GRM7: variants seen among roughly 807,000 people sequenced by gnomAD.
The protein encoded by GRM7 is metabotropic glutamate receptor 7.
A neutral mutation model predicts 84.5 loss-of-function variants in GRM7; 35 were observed. The ratio of observed to expected loss-of-function variants is 0.41; its 90% CI spans 0.32 to 0.55. The LOEUF is 0.55. GRM7 is among the 20% of genes least tolerant of loss of function. The pLI is 0.19. For missense variants in GRM7, 1,003 were observed against 1,194.6 expected (o/e 0.84, Z 2.36); for synonymous variants, 487 against 455.1 (o/e 1.07, Z -0.89).
intron 6 of GRM7, among the ~76,000 whole-genome samples, chr3:7,460,834 G>A (rs73117424): frequency 0.018 from 2,678 of 152,214 alleles, 81 homozygotes; most frequent in African/African-American, 0.061. Context: ...ATTAAGTATG[G>A]ACAGATAGAT....
intron 1 of GRM7, among the ~76,000 whole-genome samples, chr3:7,031,521 A>G (rs1486867868): frequency 6.6e-6 from 1 of 151,760 alleles, no homozygotes; most frequent in African/African-American, 2.4e-5. Flanking sequence ...GGTTCATGCC[A>G]TTCTCCTGCC....
intron 8 of GRM7, among the ~76,000 whole-genome samples, chr3:7,630,676 C>T (rs186790709): frequency 6.6e-6 from 1 of 152,254 alleles, no homozygotes; most frequent in East Asian, 1.9e-4. Flanking sequence ...ATCAGCAAAA[C>T]CAAGTCATCT....
In GRM7 at chr3:7,581,414, C is replaced by A. The variant is rs140023767; in HGVS notation, c.2451+2057C>A. Among the ~76,000 whole-genome samples the A allele has an allele frequency of 2.1e-4, 32 of 152,148 alleles. No homozygotes were observed. The East Asian group carries it at 6.2e-3, about 29-fold the overall frequency. On this transcript the variant is annotated intron_variant, in intron 8 of 9. Coordinates refer to ENST00000357716, the MANE Select transcript of GRM7 (RefSeq NM_000844.4). ...TATGAAGTTTTACGTGGTTGATTGA[C>A]ACAATTAAAGGCACAAAATTGCCAA...
chr3:7,249,620 A>G (rs1414011428), intron 2 of GRM7, among the ~76,000 whole-genome samples: 3 of 152,232 alleles, frequency 2.0e-5, no homozygotes, highest in African/African-American at 7.2e-5. Context: ...GACTAAACAA[A>G]TGACTGCATC....
At chr3:7,544,660 G>T (rs1342130340) in intron 7 of GRM7, among the ~76,000 whole-genome samples, 2 of 152,048 alleles carry the variant, frequency 1.3e-5, no homozygotes, top group African/African-American at 4.8e-5. Flanking sequence ...TGTTTTCATT[G>T]GTTACTGTAC....
intron 9 of GRM7, among the ~76,000 whole-genome samples, chr3:7,704,629 T>A (rs1163367978): frequency 6.6e-6 from 1 of 152,232 alleles, no homozygotes; most frequent in Admixed American, 6.5e-5. Context: ...ACTGTTGTCA[T>A]GCAGCTAGCC....
chr3:6,948,374 T>A (rs563886840), intron 1 of GRM7, among the ~76,000 whole-genome samples: 1 of 152,168 alleles, frequency 6.6e-6, no homozygotes, highest in South Asian at 2.1e-4. Context: ...TTTGAGTGAG[T>A]TTCTTAATCC....
chr3:7,740,362 G>A lies in GRM7; in HGVS notation c.2704G>A (p.Ala902Thr). The change falls in exon 10 of 10, where the codon GCT becomes ACT. Residue 902 changes from alanine to threonine, a missense_variant. Physicochemically the swap from Ala to Thr is moderately conservative, Grantham distance 58 (BLOSUM62 0). Around this residue, in one of 2 missense-constraint regions of GRM7, gnomAD observed 910 missense variants for 1,126.0 expected, o/e 0.81. Transcript: ENST00000357716. Reference protein sequence around the residue: ...LCENVDPNSPAAKKKYVSYNN... With the variant: ...LCENVDPNSPTAKKKYVSYNN... ...CTTTCTAATTTTTCTTTCAGGCCCTGCTGCAAAAAAGAAGTATGTCAGTTA... is the reference window on the plus strand; with the variant it reads ...CTTTCTAATTTTTCTTTCAGGCCCTACTGCAAAAAAGAAGTATGTCAGTTA... The A allele has an allele frequency of 1.3e-6, 2 of 1,584,080 alleles. No homozygotes were observed. Among genetic ancestry groups the A allele is most frequent in the Non-Finnish European group, 1.7e-6 (2 of 1,158,574 alleles).
At chr3:7,638,647 G>T (rs940587842) in intron 8 of GRM7, among the ~76,000 whole-genome samples, 1 of 152,316 alleles carries the variant, frequency 6.6e-6, no homozygotes, top group Middle Eastern at 3.4e-3. Context: ...CCATGAGTTT[G>T]GGCTGTTGCC....
intron 1 of GRM7, among the ~76,000 whole-genome samples, chr3:7,095,391 A>T (rs777589196): frequency 6.6e-6 from 1 of 152,116 alleles, no homozygotes; most frequent in Non-Finnish European, 1.5e-5. Flanking sequence ...TGAGCAATTC[A>T]TCACTTAATT....
At chr3:7,702,664 CACTT>C (rs1450620877) in intron 9 of GRM7, among the ~76,000 whole-genome samples, 4 of 152,106 alleles carry the variant, frequency 2.6e-5, no homozygotes, top group African/African-American at 9.7e-5. Context: ...TGATTTGAAA[CACTT>C]AAACACGTAA....
chr3:7,470,214 T>C (rs1397313176), intron 7 of GRM7, among the ~76,000 whole-genome samples: 1 of 152,218 alleles, frequency 6.6e-6, no homozygotes, highest in East Asian at 1.9e-4. Context: ...ATTCAGAAAT[T>C]AGTTTCAATG....
At chr3:7,538,886 G>A (rs1692710543) in intron 7 of GRM7, among the ~76,000 whole-genome samples, 1 of 152,126 alleles carries the variant, frequency 6.6e-6, no homozygotes, top group Non-Finnish European at 1.5e-5. Flanking sequence ...TCAGAATAGG[G>A]ACTTGGTAGA....
At chr3:7,282,683 A>G (rs1280759745) in intron 2 of GRM7, among the ~76,000 whole-genome samples, 1 of 152,218 alleles carries the variant, frequency 6.6e-6, no homozygotes, top group East Asian at 1.9e-4. Context: ...TGACTTAACA[A>G]ATGTAGGTAA....
intron 7 of GRM7, among the ~76,000 whole-genome samples, chr3:7,491,412 G>GGATATATA (rs369529392): frequency 1.3e-5 from 2 of 149,866 alleles, no homozygotes; most frequent in South Asian, 2.1e-4. Context: ...GATTTAGATG[G>GGATATATA]TATATATATA....
intron 1 of GRM7, among the ~76,000 whole-genome samples, chr3:6,938,468 A>G (rs1697769797): frequency 6.6e-6 from 1 of 152,200 alleles, no homozygotes; most frequent in Non-Finnish European, 1.5e-5. Context: ...GGTAAAATTG[A>G]GAAAGATGTG....
chr3:7,418,717 C>A (rs1696274371), intron 5 of GRM7, among the ~76,000 whole-genome samples: 1 of 152,084 alleles, frequency 6.6e-6, no homozygotes, highest in Non-Finnish European at 1.5e-5. Context: ...AAAGAAGGAA[C>A]ATTACACAAA....
rs561689592 is a variant in GRM7 at position 6,922,267 on chromosome 3, A to AG, written c.519+60361dup. Reference sequence around the variant, plus strand: ...TGAGAAACTGAACACAGTTCCAGATAGAAATGAACAACCAGGAAGACGCTT... The same window carrying AG: ...TGAGAAACTGAACACAGTTCCAGATAGGAAATGAACAACCAGGAAGACGCTT... On this transcript the variant is annotated intron_variant, in intron 1 of 9. Transcript: ENST00000357716. 1.4e-4 allele frequency among the ~76,000 whole-genome samples: 22 copies of AG among 152,386 alleles called. 1 individual carries two copies. In the South Asian group the frequency reaches 3.9e-3, roughly 27 times the overall value.
rs764239853 is a variant in GRM7 at position 7,680,316 on chromosome 3, T to TTCATCTTCCCACCCTGCA, written c.2698+25_2698+42dup. ...AAACAGTAAGTAACTCTCCGTTTCTTTCATCTTCCCACCCTGCATCAGGAA... is the reference window on the plus strand; with the variant it reads ...AAACAGTAAGTAACTCTCCGTTTCTTTCATCTTCCCACCCTGCATCATCTTCCCACCCTGCATCAGGAA... On this transcript the variant is annotated intron_variant, in intron 9 of 9. Transcript: ENST00000357716. 3.7e-6 allele frequency: 6 copies of TTCATCTTCCCACCCTGCA among 1,612,366 alleles called. No homozygotes were observed. The Admixed American group carries it at 1.0e-4, about 27-fold the overall frequency.
Sources: allele counts gnomAD v4.1 joint callset (sites outside exome capture counted in the v4.1 genomes callset), GRCh38; gene constraint gnomAD v4.1.1; regional missense constraint gnomAD v4.1.1; transcripts MANE v1.5; gene names NCBI Gene and HGNC (gene_info 2026-07-23, HGNC 2026-07-21).